The following GRIN3A variants were observed in gnomAD, a reference collection of about 807,000 sequenced individuals.
GRIN3A encodes the protein glutamate ionotropic receptor NMDA type subunit 3A.
A neutral mutation model predicts 92.4 loss-of-function variants in GRIN3A; 47 were observed. That is an observed-to-expected ratio of 0.51 (90% confidence interval 0.40 to 0.65). GRIN3A has a LOEUF of 0.65. Among genes scored for constraint, GRIN3A ranks in the 30% least tolerant of loss-of-function variants. The probability of loss-of-function intolerance (pLI) is 0.00; values close to 1 mark genes in which losing one functional copy is unlikely to be tolerated. For missense variants in GRIN3A, 1,324 were observed against 1,393.1 expected, an observed-to-expected ratio of 0.95 and a Z score of 0.79; for synonymous variants, 527 against 540.6, an observed-to-expected ratio of 0.97 and a Z score of 0.35.
intron 1 of GRIN3A, among the ~76,000 whole-genome samples, chr9:101,711,115 G>A (rs930087172): frequency 6.6e-6 from 1 of 152,158 alleles, no homozygotes; most frequent in Non-Finnish European, 1.5e-5. Flanking sequence ...AGATCCCTAT[G>A]TGATGAGATG....
At chr9:101,597,887 A>G (rs1828159929) in intron 6 of GRIN3A, among the ~76,000 whole-genome samples, 1 of 152,184 alleles carries the variant, frequency 6.6e-6, no homozygotes, top group South Asian at 2.1e-4. Flanking sequence ...TCTTGCTTGG[A>G]TTATGGTAAA....
chr9:101,732,263 G>A (rs1280337000), intron 1 of GRIN3A, among the ~76,000 whole-genome samples: 1 of 152,212 alleles, frequency 6.6e-6, no homozygotes, highest in Non-Finnish European at 1.5e-5. Context: ...AAATTTGGAT[G>A]TTTGCTTTGT....
intron 1 of GRIN3A, among the ~76,000 whole-genome samples, chr9:101,725,904 T>C (rs1830077805): frequency 6.6e-6 from 1 of 152,224 alleles, no homozygotes; most frequent in African/African-American, 2.4e-5. Context: ...TTACCATCTG[T>C]AGTCAGTCTC....
intron 3 of GRIN3A, among the ~76,000 whole-genome samples, chr9:101,667,841 A>G (rs1924030): frequency 0.33 from 50,869 of 151,962 alleles, 9,441 homozygotes; most frequent in Non-Finnish European, 0.42. Context: ...CCGGGGTCAA[A>G]CATTGCTTAG....
At chr9:101,645,033 G>A (rs562057191) in intron 3 of GRIN3A, among the ~76,000 whole-genome samples, 1 of 151,880 alleles carries the variant, frequency 6.6e-6, no homozygotes, top group South Asian at 2.1e-4. Flanking sequence ...TCTTCTAGCT[G>A]TTTTGAAATA....
intron 3 of GRIN3A, among the ~76,000 whole-genome samples, chr9:101,669,342 C>T (rs528721451): frequency 6.6e-6 from 1 of 151,918 alleles, no homozygotes; most frequent in Non-Finnish European, 1.5e-5. Context: ...TGGCTGTTTA[C>T]CTGCACTCTA....
At position 101,577,786 on chromosome 9, in the gene GRIN3A, G is replaced by T. The variant is rs76290435; in HGVS notation, c.2990C>A (p.Thr997Asn). ...TTCTTACCTCTTTTCCACACGTTTGGTCTTGAAATGCTGCTGCTTTTCCTC... is the reference window on the plus strand; with the variant it reads ...TTCTTACCTCTTTTCCACACGTTTGTTCTTGAAATGCTGCTGCTTTTCCTC... ...FIEEKQQHFKTKRVEKRSNVG... is the reference protein window; with the variant it reads ...FIEEKQQHFKNKRVEKRSNVG... The change falls in exon 8 of 9, where the codon ACC (threonine) becomes AAC (asparagine). Residue 997 changes from threonine (T) to asparagine (N), a missense_variant. Transcript: ENST00000361820. The T allele has an allele frequency of 6.2e-7, 1 of 1,612,566 alleles. No individual in the cohort carries two copies. The highest frequency in any genetic ancestry group is 8.5e-7 in the Non-Finnish European group (1 of 1,179,104).
In GRIN3A at chr9:101,686,863, C is replaced by T. The variant is rs757231203; in HGVS notation, c.1037G>A (p.Gly346Glu). 4 of 1,614,098 alleles carry T rather than the reference C, an allele frequency of 2.5e-6. No individual in the cohort carries two copies. In the Admixed American group the frequency reaches 6.7e-5, roughly 27 times the overall value. ...CCAACGAAGTTCAGGGGGCATGACCCCAAACTGGGTTGTAATTTCGAAAAT... is the reference window on the plus strand; with the variant it reads ...CCAACGAAGTTCAGGGGGCATGACCTCAAACTGGGTTGTAATTTCGAAAAT... Reference protein sequence around the residue: ...RRIFEITTQFGVMPPELRWVL... With the variant: ...RRIFEITTQFEVMPPELRWVL... Residue 346 changes from glycine (G) to glutamate (E), a missense_variant, in exon 2 of 9, where the codon GGG becomes GAG. Gly to Glu is a moderately conservative substitution (Grantham distance 98). Transcript: ENST00000361820.
chr9:101,718,676 C>T lies in GRIN3A; in HGVS notation c.699+18605G>A, dbSNP rs187436970. ...TAACACTGAATCACATAGTGAGAAA[C>T]TTAATTCCTTTTCAATTAGCATTTA... is the stretch of plus-strand genomic sequence containing the variant. On this transcript the variant is annotated intron_variant, in intron 1 of 8. Coordinates refer to ENST00000361820, the MANE Select transcript of GRIN3A (RefSeq NM_133445.3). Among the ~76,000 whole-genome samples, 373 of 152,274 alleles carry T rather than the reference C, an allele frequency of 2.4e-3. 1 individual carries two copies. Among genetic ancestry groups the T allele is most frequent in the African/African-American group, 8.2e-3 (340 of 41,554 alleles).
intron 6 of GRIN3A, among the ~76,000 whole-genome samples, chr9:101,599,744 G>A (rs1828186849): frequency 6.6e-6 from 1 of 152,096 alleles, no homozygotes; most frequent in Admixed American, 6.6e-5. Context: ...CAACGGAAAT[G>A]GAAATGAGAC....
chr9:101,650,588 C>T (rs1259555315), intron 3 of GRIN3A, among the ~76,000 whole-genome samples: 1 of 151,942 alleles, frequency 6.6e-6, no homozygotes, highest in African/African-American at 2.4e-5. Flanking sequence ...CCAAACCTGG[C>T]AAAACTTGTG....
intron 6 of GRIN3A, among the ~76,000 whole-genome samples, chr9:101,613,172 A>G (rs180723110): frequency 2.7e-4 from 41 of 152,360 alleles, no homozygotes; most frequent in Non-Finnish European, 5.4e-4. Context: ...ATAGCATCAC[A>G]TTTAAATCTA....
At chr9:101,634,266 G>A (rs1828751974) in intron 3 of GRIN3A, among the ~76,000 whole-genome samples, 1 of 147,838 alleles carries the variant, frequency 6.8e-6, no homozygotes, top group South Asian at 2.1e-4. Flanking sequence ...CCGGGAGGCG[G>A]AGCTTGCAGT....
intron 1 of GRIN3A, among the ~76,000 whole-genome samples, chr9:101,688,585 C>T (rs1829568216): frequency 6.6e-6 from 1 of 152,052 alleles, no homozygotes; most frequent in South Asian, 2.1e-4. Flanking sequence ...TGTTCTACTG[C>T]TGTTCATGGT....
chr9:101,698,428 G>A (rs1588288268), intron 1 of GRIN3A, among the ~76,000 whole-genome samples: 1 of 152,118 alleles, frequency 6.6e-6, no homozygotes, highest in East Asian at 1.9e-4. Context: ...TATTACAGTC[G>A]TGCGTCACTT....
intron 1 of GRIN3A, among the ~76,000 whole-genome samples, chr9:101,690,565 T>A (rs1210124881): frequency 6.6e-6 from 1 of 151,626 alleles, no homozygotes; most frequent in Non-Finnish European, 1.5e-5. Context: ...CATCAAAGAA[T>A]CATTCAGTGG....
intron 3 of GRIN3A, among the ~76,000 whole-genome samples, chr9:101,648,191 T>A (rs1440491360): frequency 6.6e-6 from 1 of 152,048 alleles, no homozygotes; most frequent in African/African-American, 2.4e-5. Context: ...AAGGAATTTT[T>A]AAATTTCCTT....
intron 1 of GRIN3A, among the ~76,000 whole-genome samples, chr9:101,715,561 T>C (rs759237782): frequency 6.6e-6 from 1 of 152,200 alleles, no homozygotes; most frequent in Non-Finnish European, 1.5e-5. Flanking sequence ...AAATTTCTTT[T>C]CTAAAGTTTC....
chr9:101,631,315 A>G (rs909990050), intron 3 of GRIN3A, among the ~76,000 whole-genome samples: 1 of 152,184 alleles, frequency 6.6e-6, no homozygotes, highest in Non-Finnish European at 1.5e-5. Flanking sequence ...ACTTAGCACA[A>G]ACTAAGCTAA....
Sources: gnomAD v4.1 joint callset for allele counts (sites outside exome capture counted in the v4.1 genomes callset) on GRCh38, gnomAD v4.1.1 for gene constraint, MANE v1.5 for transcripts, NCBI Gene and HGNC (gene_info 2026-07-23, HGNC 2026-07-21) for gene names.